LRP1B: variants seen among roughly 807,000 people sequenced by gnomAD.
The protein encoded by LRP1B is low-density lipoprotein receptor-related protein 1B.
LRP1B carries 217 observed loss-of-function variants against 556.6 expected under a neutral mutation model. The ratio of observed to expected loss-of-function variants is 0.39; its 90% confidence interval spans 0.35 to 0.44. LRP1B has a LOEUF of 0.44. Ranked by LOEUF, LRP1B falls within the 20% of genes least tolerant of loss-of-function variation. The probability of loss-of-function intolerance (pLI) is 1.00; values close to 1 mark genes in which losing one functional copy is unlikely to be tolerated. For missense variants in LRP1B, 5,053 were observed against 5,620.8 expected, an observed-to-expected ratio of 0.90 and a Z score of 3.23; for synonymous variants, 2,047 against 1,865.8, an observed-to-expected ratio of 1.10 and a Z score of -2.50.
intron 66 of LRP1B, among the ~76,000 whole-genome samples, chr2:140,393,964 T>G (rs2105215322): frequency 6.6e-6 from 1 of 152,206 alleles, no homozygotes; most frequent in Middle Eastern, 3.4e-3. Context: ...CTCCTCAACG[T>G]CTCTTTTTAC....
In LRP1B at chr2:140,861,948, T is replaced by C. The variant is rs566549483; in HGVS notation, c.4579+5642A>G. ...CTGAAATCTGTTGGTGCCCTTTTTC[T>C]GAGCATTCTTCTTTGCCTTCCTTTT... On this transcript the variant is annotated intron_variant, in intron 27 of 90. Transcript: ENST00000389484. 1.4e-4 allele frequency among the ~76,000 whole-genome samples: 21 copies of C among 152,364 alleles called. No homozygotes were observed. In the South Asian group the frequency reaches 4.1e-3, roughly 30 times the overall value.
intron 41 of LRP1B, among the ~76,000 whole-genome samples, chr2:140,616,353 T>C (rs1553499797): frequency 6.6e-6 from 1 of 152,002 alleles, no homozygotes; most frequent in Non-Finnish European, 1.5e-5. Flanking sequence ...AATGTTATCA[T>C]AAAGAACTCT....
In LRP1B at chr2:140,456,529, T is replaced by C. The variant is rs1273876268; in HGVS notation, c.9889A>G (p.Thr3297Ala). 6.2e-7 allele frequency: 1 copy of C among 1,613,434 alleles called. No individual in the cohort carries two copies. The highest frequency in any genetic ancestry group is 2.2e-5 in the East Asian group (1 of 44,850). Reference sequence around the variant, plus strand: ...TAGAAGTTAGTGGGACATGCACAAGTGTGGGTTTTTCCAGGGGCTAAAAGG... The same window carrying C: ...TAGAAGTTAGTGGGACATGCACAAGCGTGGGTTTTTCCAGGGGCTAAAAGG... ...LCLLAPGKTHTCACPTNFYLA... is the reference protein window; with the variant it reads ...LCLLAPGKTHACACPTNFYLA... Residue 3297 changes from threonine (T) to alanine (A), a missense_variant, in exon 62 of 91, where the codon ACT (threonine) becomes GCT (alanine). By Grantham distance (58) the Thr-to-Ala change is moderately conservative. Around this residue, in one of 5 missense-constraint regions of LRP1B, gnomAD observed 262 missense variants for 395.1 expected, o/e 0.66. Coordinates refer to ENST00000389484, the MANE Select transcript of LRP1B (RefSeq NM_018557.3).
chr2:141,387,316 A>G (rs2104898410), intron 3 of LRP1B, among the ~76,000 whole-genome samples: 1 of 152,106 alleles, frequency 6.6e-6, no homozygotes, highest in South Asian at 2.1e-4. Flanking sequence ...GAAGAAAGGA[A>G]GTTATAAAGA....
At chr2:140,256,944 ATATAAT>A (rs1207572431) in intron 86 of LRP1B, among the ~76,000 whole-genome samples, 2 of 146,942 alleles carry the variant, frequency 1.4e-5, no homozygotes, top group Admixed American at 6.7e-5. Flanking sequence ...ACCAATATCA[ATATAAT>A]TATAATGTCT....
intron 35 of LRP1B, among the ~76,000 whole-genome samples, chr2:140,732,369 C>A (rs1389907436): frequency 6.6e-6 from 1 of 151,812 alleles, no homozygotes; most frequent in East Asian, 1.9e-4. Context: ...AATATCCTAC[C>A]CATGCAGGAA....
In LRP1B at chr2:141,890,348, A is replaced by ATATGTGTG. The variant is rs1699249261; in HGVS notation, c.83-79948_83-79947insCACACATA. ...CATATATATATATATATATATATAT[A>ATATGTGTG]TATGTATTGTGCATATATATATATA... On this transcript the variant is annotated intron_variant, in intron 1 of 90. Coordinates refer to ENST00000389484, the MANE Select transcript of LRP1B (RefSeq NM_018557.3). 3.0e-5 allele frequency among the ~76,000 whole-genome samples: 4 copies of ATATGTGTG among 131,540 alleles called. 1 individual carries two copies. The highest frequency in any genetic ancestry group is 1.2e-4 in the African/African-American group (4 of 34,686). The allele number at this position is 131,540 out of a possible 152,430, so 86.3% of individuals were successfully genotyped here. A position where few individuals can be genotyped will look rare whatever the true frequency, so the allele number is the denominator to read the frequency against.
At chr2:141,316,598 T>C (rs968009200) in intron 3 of LRP1B, among the ~76,000 whole-genome samples, 2 of 152,190 alleles carry the variant, frequency 1.3e-5, no homozygotes, top group Non-Finnish European at 2.9e-5. Flanking sequence ...AATCTCTTAC[T>C]AGTCACTCAG....
intron 2 of LRP1B, among the ~76,000 whole-genome samples, chr2:141,652,006 A>G (rs534288460): frequency 6.6e-6 from 1 of 152,282 alleles, no homozygotes; most frequent in East Asian, 1.9e-4. Flanking sequence ...CTCTGTTCTC[A>G]TTTATATTTT....
intron 1 of LRP1B, among the ~76,000 whole-genome samples, chr2:141,893,849 A>T (rs994102869): frequency 1.1e-4 from 16 of 152,204 alleles, no homozygotes; most frequent in African/African-American, 3.9e-4. Context: ...CCAGAGCCAA[A>T]ATAACTTGGC....
At position 142,103,576 on chromosome 2, in the gene LRP1B, C is replaced by T. The variant is rs186669227; in HGVS notation, c.82+27072G>A. Among the ~76,000 whole-genome samples the T allele has an allele frequency of 2.0e-5, 3 of 151,930 alleles. No individual in the cohort carries two copies. In the East Asian group the frequency reaches 5.8e-4, roughly 29 times the overall value. On this transcript the variant is annotated intron_variant, in intron 1 of 90. Coordinates refer to ENST00000389484, the MANE Select transcript of LRP1B (RefSeq NM_018557.3). ...GCAGTCACCAAGGAAGCTGACTAGT[C>T]ACTTGTAATGTACAAATTTTGCAGT...
At chr2:140,308,621 CCTAACTAGTTTTATGTATAT>C (rs578149867) in intron 83 of LRP1B, among the ~76,000 whole-genome samples, 3,863 of 151,598 alleles carry the variant, frequency 0.025, 89 homozygotes, top group Middle Eastern at 0.088. Context: ...ATGTTTTATA[CCTAACTAGTTTTATGTATAT>C]CTAACTAGTT....
At chr2:141,575,649 T>A (rs1037647987) in intron 2 of LRP1B, among the ~76,000 whole-genome samples, 1 of 151,868 alleles carries the variant, frequency 6.6e-6, no homozygotes, top group African/African-American at 2.4e-5. Flanking sequence ...GAAACTATCA[T>A]CAGAGTGAAC....
chr2:140,413,408 A>G (rs1344988882), intron 66 of LRP1B, among the ~76,000 whole-genome samples: 4 of 152,186 alleles, frequency 2.6e-5, no homozygotes, highest in African/African-American at 9.6e-5. Context: ...AAGGTTTCTA[A>G]TAGAAAATCT....
At chr2:142,103,631 C>T (rs1706642490) in intron 1 of LRP1B, among the ~76,000 whole-genome samples, 1 of 151,928 alleles carries the variant, frequency 6.6e-6, no homozygotes, top group Non-Finnish European at 1.5e-5. Context: ...AAGTCTTGGC[C>T]AAACAATGAA....
chr2:141,460,121 G>A (rs1681802893), intron 3 of LRP1B, among the ~76,000 whole-genome samples: 2 of 152,154 alleles, frequency 1.3e-5, no homozygotes, highest in Non-Finnish European at 2.9e-5. Context: ...TGATCTTCCT[G>A]AAAGCAATTG....
chr2:140,274,615 C>T lies in LRP1B; in HGVS notation c.12968-17G>A, dbSNP rs749416870. ...GGCACACGTCTAGGAAAAAAAGGCA[C>T]AACAGAAAAATAAAATTATATTACA... On this transcript the variant is annotated splice_polypyrimidine_tract_variant and intron_variant, in intron 84 of 90. Transcript: ENST00000389484. The T allele has an allele frequency of 8.2e-5, 131 of 1,598,594 alleles. No homozygotes were observed. The highest frequency in any genetic ancestry group is 7.5e-4 in the Admixed American group (43 of 57,480).
chr2:141,797,146 CATATATATATATATATATATATATAT>C lies in LRP1B; in HGVS notation c.205+13107_205+13132del, dbSNP rs6146945. 8.7e-4 allele frequency among the ~76,000 whole-genome samples: 69 copies of C among 79,084 alleles called. 3 individuals carry two copies. Among genetic ancestry groups the C allele is most frequent in the African/African-American group, 2.1e-3 (39 of 18,408 alleles). 51.9% of individuals were successfully genotyped at this position (79,084 alleles called of 152,430 possible). On this transcript the variant is annotated intron_variant, in intron 2 of 90. Coordinates refer to ENST00000389484, the MANE Select transcript of LRP1B (RefSeq NM_018557.3). Reference sequence around the variant, plus strand: ...GTTAAAGTTTAACTTTGAAAATAATCATATATATATATATATATATATATATATATATATATATATAACTATATATA... The same window carrying C: ...GTTAAAGTTTAACTTTGAAAATAATCATATATATATATATAACTATATATA...
intron 8 of LRP1B, among the ~76,000 whole-genome samples, chr2:141,059,468 TG>T (rs1699278376): frequency 6.6e-6 from 1 of 151,790 alleles, no homozygotes; most frequent in Non-Finnish European, 1.5e-5. Flanking sequence ...TAGCTCTCCC[TG>T]TGAAAAGACT....
Sources: gnomAD v4.1 joint callset for allele counts (sites outside exome capture counted in the v4.1 genomes callset) on GRCh38, gnomAD v4.1.1 for gene constraint, gnomAD v4.1.1 regional missense constraint, MANE v1.5 for transcripts, NCBI Gene and HGNC (gene_info 2026-07-23, HGNC 2026-07-21) for gene names.